Variants in SOX5 observed in about 807,000 individuals in gnomAD.
SOX5 encodes the protein transcription factor SOX-5.
Under a neutral mutation model 92.0 loss-of-function variants are expected in SOX5, and 9 were observed. That is an observed-to-expected ratio of 0.10 (90% CI 0.06 to 0.17). The LOEUF (loss-of-function observed/expected upper bound fraction) is 0.17, where lower values mean the gene tolerates loss of function less well. Ranked by LOEUF, SOX5 falls within the 10% of genes least tolerant of loss-of-function variation. The pLI, the probability that SOX5 is intolerant of heterozygous loss-of-function variation, is 1.00. For synonymous variants in SOX5, 344 were observed against 336.3 expected (o/e 1.02, Z -0.25); for missense variants, 642 against 944.5 (o/e 0.68, Z 4.20).
chr12:24,308,632 C>A (rs775771360), intron 2 of SOX5, among the ~76,000 whole-genome samples: 9 of 152,212 alleles, frequency 5.9e-5, no homozygotes, highest in Non-Finnish European at 1.3e-4. Context: ...GTATTCACAA[C>A]ATCTAGCACA....
intron 1 of SOX5, among the ~76,000 whole-genome samples, chr12:24,485,281 A>G (rs1020357467): frequency 6.6e-6 from 1 of 152,206 alleles, no homozygotes; most frequent in Admixed American, 6.5e-5. Context: ...ACTTATATAA[A>G]TAATTGCAAG....
chr12:23,747,654 C>T (rs2094034351), intron 4 of SOX5, among the ~76,000 whole-genome samples: 1 of 152,104 alleles, frequency 6.6e-6, no homozygotes. Context: ...TTCTCAACCT[C>T]AGCGCAGTTG....
At chr12:24,475,158 G>A (rs1343180273) in intron 1 of SOX5, among the ~76,000 whole-genome samples, 1 of 152,096 alleles carries the variant, frequency 6.6e-6, no homozygotes, top group African/African-American at 2.4e-5. Flanking sequence ...AATTCTCTAT[G>A]AACTTACATT....
intron 11 of SOX5, among the ~76,000 whole-genome samples, chr12:23,556,070 C>T (rs1945122825): frequency 6.6e-6 from 1 of 152,146 alleles, no homozygotes; most frequent in African/African-American, 2.4e-5. Context: ...TGAAAACTGG[C>T]TGCTCTGTGC....
chr12:23,547,936 G>A (rs1943453753), intron 11 of SOX5, among the ~76,000 whole-genome samples: 1 of 152,048 alleles, frequency 6.6e-6, no homozygotes. Flanking sequence ...GCTGAGCTCA[G>A]GAGCATCAAG....
chr12:24,417,895 G>C (rs1445648947), intron 1 of SOX5, among the ~76,000 whole-genome samples: 1 of 152,168 alleles, frequency 6.6e-6, no homozygotes, highest in Non-Finnish European at 1.5e-5. Flanking sequence ...CATGTTTTAA[G>C]GGCAAGTTTA....
chr12:24,204,311 T>G (rs940983227), intron 4 of SOX5, among the ~76,000 whole-genome samples: 1 of 145,924 alleles, frequency 6.9e-6, no homozygotes, highest in Non-Finnish European at 1.5e-5. Flanking sequence ...ATTTTTCCAT[T>G]ATTATTATTA....
At chr12:24,533,332 G>T (rs1951353844) in intron 1 of SOX5, among the ~76,000 whole-genome samples, 1 of 152,134 alleles carries the variant, frequency 6.6e-6, no homozygotes. Context: ...ATAATTTGAT[G>T]TTAAGTTCTC....
At chr12:24,117,633 C>A (rs918670632) in intron 4 of SOX5, among the ~76,000 whole-genome samples, 10 of 152,058 alleles carry the variant, frequency 6.6e-5, no homozygotes, top group Non-Finnish European at 1.3e-4. Context: ...TACTATCCAG[C>A]GTTAGAATAG....
chr12:24,126,746 G>A (rs1004930426), intron 4 of SOX5, among the ~76,000 whole-genome samples: 4 of 152,096 alleles, frequency 2.6e-5, no homozygotes, highest in African/African-American at 9.7e-5. Context: ...AGCTGCAGGT[G>A]CTCTCCACCT....
intron 4 of SOX5, among the ~76,000 whole-genome samples, chr12:24,063,973 T>C (rs1210113555): frequency 6.6e-6 from 1 of 152,182 alleles, no homozygotes; most frequent in East Asian, 1.9e-4. Context: ...TGCCACACAG[T>C]TTAGAATGAC....
At chr12:23,695,022 A>T (rs933405645) in intron 6 of SOX5, among the ~76,000 whole-genome samples, 1 of 151,160 alleles carries the variant, frequency 6.6e-6, no homozygotes, top group African/African-American at 2.4e-5. Context: ...TGCAAGGCTG[A>T]GGTGGGAGAA....
chr12:24,510,576 C>A (rs890396849), intron 1 of SOX5, among the ~76,000 whole-genome samples: 1 of 152,062 alleles, frequency 6.6e-6, no homozygotes, highest in Non-Finnish European at 1.5e-5. Context: ...ATCACTGGCA[C>A]CAGAAGATGA....
At chr12:24,000,285 A>G (rs1951468774) in intron 4 of SOX5, among the ~76,000 whole-genome samples, 1 of 151,882 alleles carries the variant, frequency 6.6e-6, no homozygotes, top group Non-Finnish European at 1.5e-5. Context: ...TAATATTTTA[A>G]AAACTAAATA....
intron 3 of SOX5, among the ~76,000 whole-genome samples, chr12:23,793,950 G>A (rs1240462312): frequency 6.6e-6 from 1 of 152,086 alleles, no homozygotes; most frequent in Non-Finnish European, 1.5e-5. Flanking sequence ...GGTTCTCCAG[G>A]TCTGTTACCA....
chr12:24,440,622 G>GTGTGTT (rs1325744586), intron 1 of SOX5, among the ~76,000 whole-genome samples: 3 of 149,850 alleles, frequency 2.0e-5, no homozygotes, highest in Non-Finnish European at 3.0e-5. Flanking sequence ...GTGTGTGTGT[G>GTGTGTT]TGTGTGTGTG....
intron 1 of SOX5, among the ~76,000 whole-genome samples, chr12:24,396,338 T>C (rs1959952968): frequency 6.6e-6 from 1 of 152,116 alleles, no homozygotes; most frequent in African/African-American, 2.4e-5. Flanking sequence ...TAAATAGTGT[T>C]TATGTTAAGG....
intron 4 of SOX5, among the ~76,000 whole-genome samples, chr12:24,172,768 CAAAT>C (rs954847983): frequency 1.3e-5 from 2 of 152,030 alleles, no homozygotes; most frequent in African/African-American, 4.8e-5. Flanking sequence ...AATTTCAACT[CAAAT>C]AAGTTTGAAA....
chr12:23,781,020 A>G (rs1248291490), intron 3 of SOX5, among the ~76,000 whole-genome samples: 1 of 151,980 alleles, frequency 6.6e-6, no homozygotes, highest in Non-Finnish European at 1.5e-5. Context: ...ATTTTTATAA[A>G]AGATTATTAA....
Sources: allele counts gnomAD v4.1 joint callset (sites outside exome capture counted in the v4.1 genomes callset), GRCh38; gene constraint gnomAD v4.1.1; transcripts MANE v1.5; gene names NCBI Gene and HGNC (gene_info 2026-07-23, HGNC 2026-07-21).